Variants in RNF111 observed in about 807,000 individuals in gnomAD.
The protein encoded by RNF111 is E3 ubiquitin-protein ligase Arkadia.
In RNF111, 17 loss-of-function variants were observed where a neutral mutation model predicts 95.1. That is an observed-to-expected ratio of 0.18 (90% CI 0.12 to 0.27). The LOEUF (loss-of-function observed/expected upper bound fraction) is 0.27. Ranked by LOEUF, RNF111 falls within the 10% of genes least tolerant of loss-of-function variation. The pLI is 1.00. For missense variants in RNF111, 1,189 were observed against 1,210.4 expected, an observed-to-expected ratio of 0.98 and a Z score of 0.26; for synonymous variants, 440 against 414.8, an observed-to-expected ratio of 1.06 and a Z score of -0.74.
chr15:59,048,058 A>G (rs1444312073), intron 2 of RNF111, among the ~76,000 whole-genome samples: 3 of 152,202 alleles, frequency 2.0e-5, no homozygotes, highest in Admixed American at 2.0e-4. Flanking sequence ...GCAGTTCCTT[A>G]AAAAGTTAAA....
intron 2 of RNF111, among the ~76,000 whole-genome samples, chr15:59,040,860 T>A (rs989607147): frequency 1.3e-4 from 20 of 152,332 alleles, no homozygotes; most frequent in Non-Finnish European, 2.6e-4. Flanking sequence ...TTGGCTTTTT[T>A]AAAGATATTT....
At chr15:59,025,908 T>C (rs1567221848) in intron 1 of RNF111, among the ~76,000 whole-genome samples, 1 of 152,116 alleles carries the variant, frequency 6.6e-6, no homozygotes, top group Non-Finnish European at 1.5e-5. Context: ...CTTTGCATTT[T>C]TGGTGGAGAC....
intron 6 of RNF111, among the ~76,000 whole-genome samples, chr15:59,071,193 G>C (rs889953797): frequency 6.6e-6 from 1 of 151,774 alleles, no homozygotes; most frequent in Non-Finnish European, 1.5e-5. Flanking sequence ...AGCTACTCGG[G>C]AGGCTGAGGC....
intron 3 of RNF111, among the ~76,000 whole-genome samples, chr15:59,055,231 A>G (rs1283883037): frequency 6.6e-6 from 1 of 152,124 alleles, no homozygotes; most frequent in Non-Finnish European, 1.5e-5. Flanking sequence ...CTTTTATGGC[A>G]ATACTAGAAG....
chr15:59,026,869 A>T (rs2040636791), intron 1 of RNF111, among the ~76,000 whole-genome samples: 1 of 152,184 alleles, frequency 6.6e-6, no homozygotes, highest in African/African-American at 2.4e-5. Flanking sequence ...CTCAGAGAAG[A>T]GTTAACTGGT....
intron 1 of RNF111, among the ~76,000 whole-genome samples, chr15:59,009,558 G>T (rs1489540551): frequency 6.6e-6 from 1 of 151,356 alleles, no homozygotes; most frequent in African/African-American, 2.4e-5. Context: ...TGATATTTGA[G>T]TCTGAAGAAA....
In RNF111 at chr15:59,077,549, TG is replaced by T. The variant is rs1173926652; in HGVS notation, c.1948+1335del. Reference sequence around the variant, plus strand: ...CAAACATATTCTACTTCTTGTTTTTTGTTTTTAAATTTAACAGTATATTTTG... The same window carrying T: ...CAAACATATTCTACTTCTTGTTTTTTTTTTTAAATTTAACAGTATATTTTG... On this transcript the variant is annotated intron_variant, in intron 7 of 13. Coordinates refer to ENST00000348370, the MANE Select transcript of RNF111 (RefSeq NM_017610.8). 4.6e-5 allele frequency among the ~76,000 whole-genome samples: 7 copies of T among 152,358 alleles called. No individual in the cohort carries two copies. In the East Asian group the frequency reaches 1.2e-3, roughly 25 times the overall value.
intron 1 of RNF111, among the ~76,000 whole-genome samples, chr15:59,001,572 T>C (rs1596040285): frequency 1.3e-5 from 2 of 152,322 alleles, no homozygotes; most frequent in East Asian, 1.9e-4. Flanking sequence ...GAAAAAGTTA[T>C]ATTAGTGACA....
At chr15:59,073,383 A>C (rs2043025933) in intron 6 of RNF111, among the ~76,000 whole-genome samples, 1 of 151,924 alleles carries the variant, frequency 6.6e-6, no homozygotes, top group Non-Finnish European at 1.5e-5. Context: ...CGCGAGGCTG[A>C]GGTAAGATAA....
At chr15:59,070,622 C>T (rs1353152882) in intron 6 of RNF111, among the ~76,000 whole-genome samples, 7 of 152,254 alleles carry the variant, frequency 4.6e-5, no homozygotes, top group Non-Finnish European at 1.0e-4. Flanking sequence ...TTGTACAGCT[C>T]AACAGAAGGA....
At chr15:59,087,850 T>A (rs1216311165) in intron 10 of RNF111, among the ~76,000 whole-genome samples, 1 of 152,150 alleles carries the variant, frequency 6.6e-6, no homozygotes, top group Non-Finnish European at 1.5e-5. Context: ...CACAAAAAAA[T>A]AAAGTTTGAA....
At chr15:59,001,943 C>G (rs1282627262) in intron 1 of RNF111, among the ~76,000 whole-genome samples, 4 of 152,066 alleles carry the variant, frequency 2.6e-5, no homozygotes, top group Non-Finnish European at 5.9e-5. Flanking sequence ...AAATTTATAA[C>G]TATATTTAAT....
chr15:59,022,693 T>A (rs1222596617), intron 1 of RNF111, among the ~76,000 whole-genome samples: 2 of 152,216 alleles, frequency 1.3e-5, no homozygotes, highest in Non-Finnish European at 2.9e-5. Flanking sequence ...TATAAATCAT[T>A]CTTCCAATGT....
intron 2 of RNF111, among the ~76,000 whole-genome samples, chr15:59,039,479 C>CA (rs2041341793): frequency 6.6e-6 from 1 of 152,130 alleles, no homozygotes; most frequent in African/African-American, 2.4e-5. Context: ...TTTTGAGTAT[C>CA]ATTATGAATG....
At position 58,994,129 on chromosome 15, in the gene RNF111, C is replaced by G. The variant is rs1013505625; in HGVS notation, c.-20+6061C>G. On this transcript the variant is annotated intron_variant, in intron 1 of 13. Transcript: ENST00000348370. ...CTTGGCTCATTGTCACCTCCACCTT[C>G]CAGCTTCAAGTGATTTTCCTGACTC... is the stretch of plus-strand genomic sequence containing the variant. Among the ~76,000 whole-genome samples the G allele has an allele frequency of 4.0e-5, 6 of 148,606 alleles. No homozygotes were observed. In the East Asian group the frequency reaches 1.2e-3, roughly 30 times the overall value.
Position 59,081,253 on chromosome 15 carries a change from G to T in RNF111, c.2266G>T (p.Val756Phe), listed in dbSNP as rs1459927815. 5 of 1,614,178 alleles carry T rather than the reference G, an allele frequency of 3.1e-6. No homozygotes were observed. Among genetic ancestry groups the T allele is most frequent in the Admixed American group, 1.7e-5 (1 of 60,022 alleles). Residue 756 changes from valine (V) to phenylalanine (F), a missense_variant, in exon 8 of 14, where the codon GTT becomes TTT. Physicochemically the swap from Val to Phe is conservative, Grantham distance 50 (BLOSUM62 -1). Around this residue, in one of 2 missense-constraint regions of RNF111, gnomAD observed 1,024 missense variants for 925.9 expected, o/e 1.11. Transcript: ENST00000348370. Reference sequence around the variant, plus strand: ...TCATGAAGTGATGCAGAGGATGGAAGTTCAAAGGAGGAGGATGATGCAGCA... The same window carrying T: ...TCATGAAGTGATGCAGAGGATGGAATTTCAAAGGAGGAGGATGATGCAGCA... ...HPHEVMQRME[V>F]QRRRMMQHPT...
chr15:59,002,030 C>T (rs1376529683), intron 1 of RNF111, among the ~76,000 whole-genome samples: 11 of 152,018 alleles, frequency 7.2e-5, no homozygotes, highest in Admixed American at 3.3e-4. Flanking sequence ...GATAAAATGG[C>T]GAAATGAGGT....
intron 1 of RNF111, among the ~76,000 whole-genome samples, chr15:58,989,936 T>TA (rs1254819241): frequency 6.6e-6 from 1 of 152,168 alleles, no homozygotes; most frequent in Non-Finnish European, 1.5e-5. Flanking sequence ...GAGGCATACT[T>TA]ATGTGCCCTT....
rs371807688 is a variant in RNF111, at chr15:59,026,502, A to G, written c.-19-4302A>G. ...ATTTATAATGTCACCAAGGAGATAT[A>G]TCTTGTACGCATTTGCCTCCTTTGT... is the stretch of plus-strand genomic sequence containing the variant. On this transcript the variant is annotated intron_variant, in intron 1 of 13. Transcript: ENST00000348370. Among the ~76,000 whole-genome samples, 13 of 152,362 alleles carry G rather than the reference A, an allele frequency of 8.5e-5. No homozygotes were observed. In the East Asian group the frequency reaches 1.2e-3, roughly 14 times the overall value.
Sources: gnomAD v4.1 joint callset for allele counts (sites outside exome capture counted in the v4.1 genomes callset) on GRCh38, gnomAD v4.1.1 for gene constraint, gnomAD v4.1.1 regional missense constraint, MANE v1.5 for transcripts, NCBI Gene and HGNC (gene_info 2026-07-23, HGNC 2026-07-21) for gene names.